DENND4C: variants seen among roughly 807,000 people sequenced by gnomAD.
DENND4C encodes DENN domain-containing protein 4C.
Under a neutral mutation model 203.0 loss-of-function variants are expected in DENND4C, and 108 were observed. The ratio of observed to expected loss-of-function variants is 0.53; its 90% CI spans 0.46 to 0.62. DENND4C has a LOEUF of 0.62. Among genes scored for constraint, DENND4C ranks in the 20% least tolerant of loss-of-function variants. The probability of loss-of-function intolerance (pLI) is 0.00; values close to 1 mark genes in which losing one functional copy is unlikely to be tolerated. For synonymous variants in DENND4C, 871 were observed against 792.4 expected (o/e 1.10, Z -1.67); for missense variants, 2,481 against 2,301.2 (o/e 1.08, Z -1.60).
intron 1 of DENND4C, among the ~76,000 whole-genome samples, chr9:19,245,414 C>T (rs1254355957): frequency 6.7e-6 from 1 of 148,912 alleles, no homozygotes; most frequent in Non-Finnish European, 1.5e-5. Context: ...TTGCAGTGAG[C>T]CAAGATGGCG....
chr9:19,314,705 A>C (rs1314550181), intron 10 of DENND4C, among the ~76,000 whole-genome samples: 1 of 152,184 alleles, frequency 6.6e-6, no homozygotes, highest in Non-Finnish European at 1.5e-5. Flanking sequence ...ACAAAATAGA[A>C]CCTGATTAAA....
rs557492491 is a variant in DENND4C at position 19,321,346 on chromosome 9, A to G, written c.1808-3016A>G. On this transcript the variant is annotated intron_variant, in intron 12 of 32. Coordinates refer to ENST00000434457, the MANE Select transcript of DENND4C (RefSeq NM_001330640.2). ...GTAGAACCTGGTGATTGAATATGGA[A>G]TGTAAGGTAGAGTGGGAGATATCAA... Among the ~76,000 whole-genome samples the G allele has an allele frequency of 3.3e-5, 5 of 152,274 alleles. No individual in the cohort carries two copies. The East Asian group carries it at 7.7e-4, about 24-fold the overall frequency.
intron 3 of DENND4C, among the ~76,000 whole-genome samples, chr9:19,287,842 C>T (rs976964822): frequency 6.6e-6 from 1 of 152,176 alleles, no homozygotes; most frequent in Non-Finnish European, 1.5e-5. Flanking sequence ...AAGCGATTCT[C>T]CTGTCTCAGC....
chr9:19,367,430 A>G (rs1343877994), intron 30 of DENND4C, among the ~76,000 whole-genome samples: 2 of 152,218 alleles, frequency 1.3e-5, no homozygotes, highest in Admixed American at 1.3e-4. Flanking sequence ...ACGGAAACAA[A>G]TGTCTATCAG....
intron 1 of DENND4C, among the ~76,000 whole-genome samples, chr9:19,264,548 C>G (rs1830090961): frequency 6.6e-6 from 1 of 151,836 alleles, no homozygotes. Context: ...CTCAAGTGAT[C>G]CGCCTGCTTT....
chr9:19,342,580 C>T (rs991003993), intron 21 of DENND4C, 53 bp from the exon 22 acceptor site: 3 of 1,515,180 alleles, frequency 2.0e-6, no homozygotes, highest in African/African-American at 1.4e-5. Flanking sequence ...TATATGGTTT[C>T]TGTTTAATAT....
intron 26 of DENND4C, among the ~76,000 whole-genome samples, chr9:19,353,719 G>A (rs1010961913): frequency 2.0e-5 from 3 of 152,056 alleles, no homozygotes; most frequent in Non-Finnish European, 4.4e-5. Context: ...GATCACTTGA[G>A]GTCAGGAGTT....
chr9:19,316,917 T>C (rs1346272811), intron 12 of DENND4C, 78 bp downstream of exon 12: 11 of 1,258,154 alleles, frequency 8.7e-6, no homozygotes, highest in Non-Finnish European at 1.2e-5. Context: ...CAAGAAATAC[T>C]TATTGTATAA....
chr9:19,280,842 G>A (rs1252687893), intron 2 of DENND4C, among the ~76,000 whole-genome samples: 1 of 152,016 alleles, frequency 6.6e-6, no homozygotes, highest in Non-Finnish European at 1.5e-5. Context: ...CTGGGCTCAG[G>A]TGGTCCTCCC....
chr9:19,297,202 T>C (rs1413294625), intron 6 of DENND4C, among the ~76,000 whole-genome samples: 1 of 152,182 alleles, frequency 6.6e-6, no homozygotes, highest in Non-Finnish European at 1.5e-5. Context: ...ATTTCAGAAC[T>C]TTTACATTAT....
chr9:19,235,609 CTTT>C (rs58031665), intron 1 of DENND4C, among the ~76,000 whole-genome samples: 1 of 118,934 alleles, frequency 8.4e-6, no homozygotes, highest in Non-Finnish European at 1.7e-5. Flanking sequence ...GAAGAGTCAT[CTTT>C]TTTTTTTTTT....
At chr9:19,276,689 A>G (rs905039724) in intron 2 of DENND4C, 3 of 359,882 alleles carry the variant, frequency 8.3e-6, no homozygotes, top group African/African-American at 4.2e-5. Flanking sequence ...TTGAATTGTT[A>G]GATCATTTGC....
intron 30 of DENND4C, among the ~76,000 whole-genome samples, chr9:19,364,474 TA>T (rs1827189013): frequency 1.3e-5 from 2 of 152,202 alleles, no homozygotes; most frequent in South Asian, 4.1e-4. Flanking sequence ...ATACTTACTG[TA>T]AGATTTTTTT....
intron 1 of DENND4C, among the ~76,000 whole-genome samples, chr9:19,264,042 G>T (rs762310097): frequency 6.6e-6 from 1 of 152,062 alleles, no homozygotes; most frequent in Non-Finnish European, 1.5e-5. Flanking sequence ...GAAGTATTCT[G>T]TTCACTGTTT....
At chr9:19,299,695 G>T (rs1838161709) in intron 8 of DENND4C, among the ~76,000 whole-genome samples, 1 of 152,014 alleles carries the variant, frequency 6.6e-6, no homozygotes. Flanking sequence ...CTCTTAATTG[G>T]TACCTTTTTA....
At chr9:19,302,382 CAT>C (rs796372507) in intron 9 of DENND4C, among the ~76,000 whole-genome samples, 73 of 152,320 alleles carry the variant, frequency 4.8e-4, no homozygotes, top group African/African-American at 1.7e-3. Flanking sequence ...AGAAGGATAT[CAT>C]ATTTTGCTAG....
intron 5 of DENND4C, among the ~76,000 whole-genome samples, chr9:19,295,371 G>C (rs1384508169): frequency 1.3e-5 from 2 of 152,194 alleles, no homozygotes; most frequent in Non-Finnish European, 2.9e-5. Flanking sequence ...TAGGTGTGGT[G>C]GTGGGCGCCT....
intron 26 of DENND4C, among the ~76,000 whole-genome samples, chr9:19,356,383 C>A (rs989427556): frequency 6.6e-6 from 1 of 151,972 alleles, no homozygotes; most frequent in African/African-American, 2.4e-5. Flanking sequence ...GCAAATTAAA[C>A]CCTTAGAAAA....
intron 10 of DENND4C, among the ~76,000 whole-genome samples, chr9:19,307,367 C>T (rs1839886473): frequency 1.4e-5 from 2 of 139,702 alleles, no homozygotes; most frequent in East Asian, 2.0e-4. Flanking sequence ...GCACTGCAGC[C>T]TGGGTAACAG....
Sources: gnomAD v4.1 joint callset for allele counts (sites outside exome capture counted in the v4.1 genomes callset) on GRCh38, gnomAD v4.1.1 for gene constraint, MANE v1.5 for transcripts, NCBI Gene and HGNC (gene_info 2026-07-23, HGNC 2026-07-21) for gene names.